The following KCNMA1 variants were observed in gnomAD, a reference collection of about 807,000 sequenced individuals.
KCNMA1 encodes potassium calcium-activated channel subfamily M alpha 1.
Under a neutral mutation model 140.0 loss-of-function variants are expected in KCNMA1, and 29 were observed. That is an observed-to-expected ratio of 0.21 (90% confidence interval 0.15 to 0.28). KCNMA1 has a LOEUF of 0.28. Among genes scored for constraint, KCNMA1 ranks in the 10% least tolerant of loss-of-function variants. The pLI, the probability that KCNMA1 is intolerant of heterozygous loss-of-function variation, is 1.00. For missense variants in KCNMA1, 880 were observed against 1,602.2 expected (o/e 0.55, Z 7.70); for synonymous variants, 612 against 611.9 (o/e 1.00, Z 0.00).
chr10:77,056,380 AAATAAT>A (rs988447856), intron 14 of KCNMA1, among the ~76,000 whole-genome samples: 13 of 151,850 alleles, frequency 8.6e-5, no homozygotes, highest in Non-Finnish European at 1.8e-4. Flanking sequence ...ACTCCATCTC[AAATAAT>A]AATAATAATA....
At chr10:77,028,372 C>A (rs2093653346) in intron 15 of KCNMA1, among the ~76,000 whole-genome samples, 1 of 152,044 alleles carries the variant, frequency 6.6e-6, no homozygotes, top group African/African-American at 2.4e-5. Flanking sequence ...TGTGTAAGTG[C>A]CCAGCACATG....
chr10:77,079,224 C>T (rs1019276067), intron 13 of KCNMA1, among the ~76,000 whole-genome samples: 1 of 151,952 alleles, frequency 6.6e-6, no homozygotes, highest in African/African-American at 2.4e-5. Context: ...GAGTCAAGAT[C>T]ATGCCATTGC....
rs1210717644 is a variant in KCNMA1, at chr10:77,637,462, C to T, written c.181G>A (p.Val61Ile). ...AGCGCATCCATCTTGGGCTCGTGGA[C>T]CGAGGACGAGGAGGAAGAGGAGGAG... ...SSSSSSSSSS[V>I]HEPKMDALII... is the part of the protein sequence containing the mutation. The change falls in exon 1 of 28, where the codon GTC becomes ATC. Residue 61 changes from valine to isoleucine, a missense_variant. Val to Ile is a conservative substitution (Grantham distance 29, BLOSUM62 3). Around this residue, in one of 13 missense-constraint regions of KCNMA1, gnomAD observed 94 missense variants for 92.4 expected, o/e 1.02. Transcript: ENST00000286628. The T allele has an allele frequency of 1.2e-6, 2 of 1,612,002 alleles. No individual in the cohort carries two copies. The highest frequency in any genetic ancestry group is 2.2e-5 in the South Asian group (2 of 90,602).
intron 14 of KCNMA1, among the ~76,000 whole-genome samples, chr10:77,068,587 G>C (rs542615265): frequency 2.6e-5 from 4 of 151,612 alleles, no homozygotes; most frequent in Admixed American, 6.6e-5. Context: ...CAAATCTTGC[G>C]GCATAGGGAA....
intron 1 of KCNMA1, among the ~76,000 whole-genome samples, chr10:77,584,875 A>G (rs1341891360): frequency 2.0e-5 from 3 of 152,220 alleles, no homozygotes; most frequent in Admixed American, 6.5e-5. Context: ...AGGCTTCCAC[A>G]GCACGCTGTT....
rs547645590 is a variant in KCNMA1, at chr10:77,491,674, C to T, written c.379-87651G>A. 3.3e-5 allele frequency among the ~76,000 whole-genome samples: 5 copies of T among 151,362 alleles called. No individual in the cohort carries two copies. The East Asian group carries it at 9.7e-4, about 29-fold the overall frequency. On this transcript the variant is annotated intron_variant, in intron 1 of 27. Coordinates refer to ENST00000286628, the MANE Select transcript of KCNMA1 (RefSeq NM_001161352.2). Reference sequence around the variant, plus strand: ...GGACCACAGAACAAAAGGGTGCAAACTGTGGGCCTCACCCTGGGGGGAAAT... The same window carrying T: ...GGACCACAGAACAAAAGGGTGCAAATTGTGGGCCTCACCCTGGGGGGAAAT...
At chr10:76,947,031 G>A (rs1020805774) in intron 22 of KCNMA1, among the ~76,000 whole-genome samples, 1 of 152,140 alleles carries the variant, frequency 6.6e-6, no homozygotes, top group African/African-American at 2.4e-5. Context: ...AAAGATGAGT[G>A]AACGTGTACA....
At chr10:77,226,269 A>G (rs563949903) in intron 3 of KCNMA1, among the ~76,000 whole-genome samples, 1 of 152,238 alleles carries the variant, frequency 6.6e-6, no homozygotes, top group East Asian at 1.9e-4. Flanking sequence ...TATAACCAAC[A>G]TGAAAACAAT....
intron 5 of KCNMA1, among the ~76,000 whole-genome samples, chr10:77,175,581 G>A (rs1297368111): frequency 6.6e-6 from 1 of 152,186 alleles, no homozygotes; most frequent in Non-Finnish European, 1.5e-5. Flanking sequence ...GTACAAAGCA[G>A]GCTGCGTATG....
chr10:77,220,937 C>T (rs1371405949), intron 3 of KCNMA1, among the ~76,000 whole-genome samples: 1 of 152,102 alleles, frequency 6.6e-6, no homozygotes, highest in African/African-American at 2.4e-5. Context: ...AATTATCAAT[C>T]GCTAGCCCCC....
At chr10:77,555,798 C>T (rs1266688524) in intron 1 of KCNMA1, among the ~76,000 whole-genome samples, 1 of 152,172 alleles carries the variant, frequency 6.6e-6, no homozygotes, top group Non-Finnish European at 1.5e-5. Flanking sequence ...CTCTAGCACA[C>T]ACATATGCCT....
At chr10:77,575,029 T>C (rs2073529558) in intron 1 of KCNMA1, among the ~76,000 whole-genome samples, 1 of 152,156 alleles carries the variant, frequency 6.6e-6, no homozygotes, top group Non-Finnish European at 1.5e-5. Context: ...GCAAAGCTTG[T>C]CCCCTCAATA....
chr10:77,253,169 A>ACCTCATTCTCAGGG (rs2060019398), intron 2 of KCNMA1, among the ~76,000 whole-genome samples: 3 of 152,200 alleles, frequency 2.0e-5, no homozygotes, highest in Middle Eastern at 3.2e-3. Flanking sequence ...CCTGGCCCTG[A>ACCTCATTCTCAGGG]CCTCATTCTC....
In KCNMA1 at chr10:77,111,853, C is replaced by T. The variant is rs955503766; in HGVS notation, c.960+514G>A. Among the ~76,000 whole-genome samples, 6 of 152,228 alleles carry T rather than the reference C, an allele frequency of 3.9e-5. 1 individual carries two copies. Among genetic ancestry groups the T allele is most frequent in the South Asian group, 2.1e-4 (1 of 4,822 alleles). ...GTCTGCCTTCGGGTGGTGTGAGGGGCTTGACTTAATACAAGGCTTTCAAAG... is the reference window on the plus strand; with the variant it reads ...GTCTGCCTTCGGGTGGTGTGAGGGGTTTGACTTAATACAAGGCTTTCAAAG... On this transcript the variant is annotated intron_variant, in intron 7 of 27. Transcript: ENST00000286628.
intron 3 of KCNMA1, among the ~76,000 whole-genome samples, chr10:77,220,298 C>T (rs2049171238): frequency 6.6e-6 from 1 of 152,166 alleles, no homozygotes; most frequent in African/African-American, 2.4e-5. Context: ...AGTCACACCA[C>T]TGGTTAAGGC....
At chr10:77,489,205 A>G (rs940598329) in intron 1 of KCNMA1, among the ~76,000 whole-genome samples, 2 of 152,252 alleles carry the variant, frequency 1.3e-5, no homozygotes, top group Non-Finnish European at 1.5e-5. Flanking sequence ...ATTTTTTAGC[A>G]TAAGTATGTC....
At chr10:77,046,049 G>T in intron 14 of KCNMA1, among the ~76,000 whole-genome samples, 1 of 152,178 alleles carries the variant, frequency 6.6e-6, no homozygotes, top group East Asian at 1.9e-4. Flanking sequence ...GTTAATAGCT[G>T]CAATAAGAAG....
chr10:77,109,676 C>G (rs2097274448), intron 8 of KCNMA1, among the ~76,000 whole-genome samples: 1 of 152,196 alleles, frequency 6.6e-6, no homozygotes, highest in South Asian at 2.1e-4. Context: ...CTAAGGTGCT[C>G]TCTCTCCTTT....
chr10:76,891,535 G>A lies in KCNMA1; in HGVS notation c.3332C>T (p.Ala1111Val), dbSNP rs2040076583. ...GTGCTGTGGACTCACCCCTAAGTCCGCAAATGGCCCATCGAGCAGAGCTAA... is the reference window on the plus strand; with the variant it reads ...GTGCTGTGGACTCACCCCTAAGTCCACAAATGGCCCATCGAGCAGAGCTAA... ...AQLALLDGPF[A>V]DLGDGGCYGD... Residue 1111 changes from alanine to valine, a missense_variant, in exon 26 of 28, where the codon GCG (alanine) becomes GTG (valine). Coordinates refer to ENST00000286628, the MANE Select transcript of KCNMA1 (RefSeq NM_001161352.2). The A allele has an allele frequency of 2.5e-6, 4 of 1,612,496 alleles. No homozygotes were observed. Among genetic ancestry groups the A allele is most frequent in the African/African-American group, 1.3e-5 (1 of 74,902 alleles).
Sources: allele counts gnomAD v4.1 joint callset (sites outside exome capture counted in the v4.1 genomes callset), GRCh38; gene constraint gnomAD v4.1.1; regional missense constraint gnomAD v4.1.1; transcripts MANE v1.5; gene names NCBI Gene and HGNC (gene_info 2026-07-23, HGNC 2026-07-21).